RBFOX1: variants seen among roughly 807,000 people sequenced by gnomAD.
The protein encoded by RBFOX1 is RNA binding fox-1 homolog 1, also known as RNA binding protein fox-1 homolog 1.
A neutral mutation model predicts 57.7 loss-of-function variants in RBFOX1; 8 were observed. The observed-to-expected ratio is 0.14, with a 90% CI of 0.08 to 0.25. The LOEUF (loss-of-function observed/expected upper bound fraction) is 0.25, where lower values mean the gene tolerates loss of function less well. Ranked by LOEUF, RBFOX1 falls within the 10% of genes least tolerant of loss-of-function variation. RBFOX1 has a pLI of 1.00. For missense variants in RBFOX1, 611 were observed against 548.5 expected (o/e 1.11, Z -1.14); for synonymous variants, 326 against 222.4 (o/e 1.47, Z -4.15).
chr16:6,591,033 G>C (rs1267908623), intron 2 of RBFOX1, among the ~76,000 whole-genome samples: 1 of 152,118 alleles, frequency 6.6e-6, no homozygotes, highest in East Asian at 1.9e-4. Context: ...TGCAAGATGT[G>C]GACAAGTATA....
intron 1 of RBFOX1, among the ~76,000 whole-genome samples, chr16:6,077,709 T>C (rs1488245925): frequency 6.6e-6 from 1 of 151,528 alleles, no homozygotes; most frequent in Admixed American, 6.6e-5. Context: ...TATTTATTTA[T>C]TCATTTATGT....
chr16:6,706,320 G>T (rs8182151), intron 3 of RBFOX1, among the ~76,000 whole-genome samples: 1 of 152,034 alleles, frequency 6.6e-6, no homozygotes, highest in East Asian at 1.9e-4. Context: ...AGGAGAAAAT[G>T]GAGTCATTGC....
chr16:6,002,675 A>C (rs370126326), intron 4 of RBFOX1, among the ~76,000 whole-genome samples: 2 of 152,238 alleles, frequency 1.3e-5, no homozygotes, highest in African/African-American at 2.4e-5. Flanking sequence ...AGCTTCTAGC[A>C]CATGATAGGC....
At chr16:5,616,147 C>T (rs1025348833) in intron 3 of RBFOX1, 1 of 152,562 alleles carries the variant, frequency 6.6e-6, no homozygotes, top group Non-Finnish European at 1.5e-5. Context: ...ACCGTGGTGA[C>T]AGTTCTTGCT....
Position 7,050,227 on chromosome 16 carries a change from T to C in RBFOX1, c.-15-1830T>C, listed in dbSNP as rs553372098. Among the ~76,000 whole-genome samples the C allele has an allele frequency of 5.9e-5, 9 of 151,550 alleles. No individual in the cohort carries two copies. In the East Asian group the frequency reaches 1.8e-3, roughly 30 times the overall value. On this transcript the variant is annotated intron_variant, in intron 3 of 15. Coordinates refer to ENST00000550418, the MANE Select transcript of RBFOX1 (RefSeq NM_018723.4). ...TTTTTGGAATATTTCTCCCAGTCTTTTCCTCTTTAGCTTCTTTTTTTTTCC... is the reference window on the plus strand; with the variant it reads ...TTTTTGGAATATTTCTCCCAGTCTTCTCCTCTTTAGCTTCTTTTTTTTTCC...
intron 4 of RBFOX1, among the ~76,000 whole-genome samples, chr16:5,896,136 G>C (rs2058158478): frequency 6.6e-6 from 1 of 152,150 alleles, no homozygotes; most frequent in Admixed American, 6.5e-5. Flanking sequence ...GCTGGAATCT[G>C]ATCCTGGATG....
Position 7,597,412 on chromosome 16 carries a change from C to T in RBFOX1, c.603C>T (p.Thr201=), listed in dbSNP as rs772611871. ...CACGTGTAATGACAAATAAAAAGAC[C>T]GTCAACCCTTATACAAATGGTAAGT... ...ATARVMTNKK[T]VNPYTNGWKL... Residue 201 remains threonine (T), a synonymous_variant, in exon 9 of 16, where the codon ACC becomes ACT. Coordinates refer to ENST00000550418, the MANE Select transcript of RBFOX1 (RefSeq NM_018723.4). 3.0e-5 allele frequency: 48 copies of T among 1,610,090 alleles called. No individual in the cohort carries two copies. Among genetic ancestry groups the T allele is most frequent in the Admixed American group, 1.7e-4 (10 of 59,604 alleles).
chr16:5,838,245 C>T (rs2056523028), intron 3 of RBFOX1: 3 of 221,202 alleles, frequency 1.4e-5, no homozygotes, highest in Non-Finnish European at 2.9e-5. Context: ...TCTGATCTTG[C>T]CACGTGTGTT....
chr16:6,567,925 A>G (rs114259389), intron 2 of RBFOX1, among the ~76,000 whole-genome samples: 1,565 of 152,150 alleles, frequency 0.01, 28 homozygotes, highest in African/African-American at 0.032. Context: ...GGCTCAAGCA[A>G]TCTTCCCACC....
rs112582189 is a variant in RBFOX1, at chr16:5,766,927, G to A, written c.319-100376G>A. On this transcript the variant is annotated intron_variant, in intron 3 of 19. Transcript: ENST00000641259. The stretch of plus-strand genomic sequence containing the variant: ...TAAACCTCTACTTATAGTTCAGTAC[G>A]TGCTACTTCTTGCAAATAATGAGCT... Among the ~76,000 whole-genome samples, 9 of 152,272 alleles carry A rather than the reference G, an allele frequency of 5.9e-5. 1 individual carries two copies. The highest frequency in any genetic ancestry group is 1.4e-4 in the African/African-American group (6 of 41,554).
At chr16:5,751,289 T>A (rs2053190339) in intron 3 of RBFOX1, among the ~76,000 whole-genome samples, 1 of 152,168 alleles carries the variant, frequency 6.6e-6, no homozygotes, top group African/African-American at 2.4e-5. Context: ...TTCTGGGCAT[T>A]ATGCATTTCA....
At chr16:6,472,113 C>A (rs1438356511) in intron 2 of RBFOX1, among the ~76,000 whole-genome samples, 2 of 152,146 alleles carry the variant, frequency 1.3e-5, no homozygotes, top group Non-Finnish European at 2.9e-5. Context: ...CCTGATCTTC[C>A]CAGCCTAGCC....
At position 6,282,361 on chromosome 16, in the gene RBFOX1, T is replaced by G. The variant is rs1057471976; in HGVS notation, c.-126-34634T>G. ...CATTCCTTGTACCTTGTCTGTTTTTTTTTTTTTTTTTTTTTTAATTTTACT... is the reference window on the plus strand; with the variant it reads ...CATTCCTTGTACCTTGTCTGTTTTTGTTTTTTTTTTTTTTTTAATTTTACT... On this transcript the variant is annotated intron_variant, in intron 1 of 15. Transcript: ENST00000550418. Among the ~76,000 whole-genome samples the G allele has an allele frequency of 1.7e-4, 24 of 137,696 alleles. No homozygotes were observed. The East Asian group carries it at 1.8e-3, about 10-fold the overall frequency. 90.3% of individuals were successfully genotyped at this position (137,696 alleles called of 152,430 possible). A position where few individuals can be genotyped will look rare whatever the true frequency, so the allele number is the denominator to read the frequency against.
intron 2 of RBFOX1, among the ~76,000 whole-genome samples, chr16:5,541,777 A>T (rs1354125630): frequency 6.6e-6 from 1 of 152,210 alleles, no homozygotes; most frequent in Non-Finnish European, 1.5e-5. Context: ...TTAAACAAGG[A>T]GTTGTATTTT....
At chr16:5,659,860 C>T (rs1487573546) in intron 3 of RBFOX1, among the ~76,000 whole-genome samples, 1 of 152,126 alleles carries the variant, frequency 6.6e-6, no homozygotes, top group African/African-American at 2.4e-5. Context: ...CAGGTATCCC[C>T]AAATACTAGT....
chr16:6,193,634 G>C (rs947587778), intron 1 of RBFOX1, among the ~76,000 whole-genome samples: 4 of 151,610 alleles, frequency 2.6e-5, no homozygotes, highest in African/African-American at 9.7e-5. Flanking sequence ...TCAGTGACTT[G>C]GGCAGCAGTG....
intron 4 of RBFOX1, among the ~76,000 whole-genome samples, chr16:7,156,896 A>C (rs2077264178): frequency 6.6e-6 from 1 of 152,148 alleles, no homozygotes; most frequent in South Asian, 2.1e-4. Context: ...CCCTCCAAGA[A>C]AGTTTTATCC....
At chr16:6,663,501 A>G (rs998012934) in intron 3 of RBFOX1, among the ~76,000 whole-genome samples, 1 of 152,132 alleles carries the variant, frequency 6.6e-6, no homozygotes, top group African/African-American at 2.4e-5. Flanking sequence ...GACATGGGAG[A>G]AGGTTCACTC....
intron 2 of RBFOX1, among the ~76,000 whole-genome samples, chr16:6,399,055 A>G (rs768280792): frequency 3.9e-5 from 6 of 152,176 alleles, no homozygotes; most frequent in Non-Finnish European, 8.8e-5. Context: ...CTGTGCACCC[A>G]CAGGAGCAAT....
Sources: gnomAD v4.1 joint callset for allele counts (sites outside exome capture counted in the v4.1 genomes callset) on GRCh38, gnomAD v4.1.1 for gene constraint, MANE v1.5 for transcripts, NCBI Gene and HGNC (gene_info 2026-07-23, HGNC 2026-07-21) for gene names.